The following EML4 variants were observed in gnomAD, a reference collection of about 807,000 sequenced individuals.
EML4 encodes echinoderm microtubule-associated protein-like 4.
In EML4, 72 loss-of-function variants were observed where a neutral mutation model predicts 129.0. The ratio of observed to expected loss-of-function variants is 0.56; its 90% CI spans 0.46 to 0.68. EML4 has a LOEUF of 0.68. Ranked by LOEUF, EML4 falls within the 30% of genes least tolerant of loss-of-function variation. The pLI is 0.00. For missense variants in EML4, 1,363 were observed against 1,190.6 expected, an observed-to-expected ratio of 1.14 and a Z score of -2.13; for synonymous variants, 532 against 405.0, an observed-to-expected ratio of 1.31 and a Z score of -3.77.
At chr2:42,235,436 C>G (rs962824295) in intron 1 of EML4, among the ~76,000 whole-genome samples, 6 of 152,176 alleles carry the variant, frequency 3.9e-5, no homozygotes, top group African/African-American at 1.4e-4. Flanking sequence ...GTACTCCAGC[C>G]TGGGCAACAG....
intron 1 of EML4, among the ~76,000 whole-genome samples, chr2:42,192,006 G>A (rs1389133360): frequency 6.6e-6 from 1 of 151,874 alleles, no homozygotes; most frequent in Admixed American, 6.6e-5. Context: ...AGGCATGGTG[G>A]CACATGCCTG....
chr2:42,324,484 C>A (rs773415336), intron 19 of EML4, among the ~76,000 whole-genome samples: 1 of 152,020 alleles, frequency 6.6e-6, no homozygotes, highest in Non-Finnish European at 1.5e-5. Context: ...GGAGTGATGG[C>A]ATGTGCCTGT....
At chr2:42,195,474 C>T (rs941951082) in intron 1 of EML4, among the ~76,000 whole-genome samples, 4 of 151,752 alleles carry the variant, frequency 2.6e-5, no homozygotes, top group African/African-American at 9.7e-5. Flanking sequence ...GTAGATCTGA[C>T]ACTGTGAAAT....
intron 1 of EML4, among the ~76,000 whole-genome samples, chr2:42,198,514 T>TA (rs977693573): frequency 2.0e-5 from 3 of 152,088 alleles, no homozygotes; most frequent in Admixed American, 6.6e-5. Context: ...AGCCTGGTCT[T>TA]ATGGGCAACA....
At chr2:42,314,476 G>T (rs961039621) in intron 17 of EML4, among the ~76,000 whole-genome samples, 6 of 152,152 alleles carry the variant, frequency 3.9e-5, no homozygotes, top group African/African-American at 1.4e-4. Flanking sequence ...ATCTACTCAG[G>T]TAAGAGAAAC....
chr2:42,196,400 T>A (rs1671898068), intron 1 of EML4, among the ~76,000 whole-genome samples: 2 of 152,208 alleles, frequency 1.3e-5, no homozygotes, highest in Non-Finnish European at 2.9e-5. Flanking sequence ...GTCTCCAGGT[T>A]CTAAGAGATA....
intron 11 of EML4, 45 bp from the exon 12 acceptor site, chr2:42,295,080 G>A: frequency 1.3e-6 from 2 of 1,521,002 alleles, no homozygotes; most frequent in Middle Eastern, 1.8e-4. Context: ...ACTTGAAGGA[G>A]ATAAGGATAT....
chr2:42,316,605 A>T (rs143624485), intron 18 of EML4, among the ~76,000 whole-genome samples: 1 of 152,308 alleles, frequency 6.6e-6, no homozygotes, highest in Admixed American at 6.5e-5. Flanking sequence ...CACAATATTA[A>T]GTTTCTGTGA....
chr2:42,222,855 A>G (rs190310389), intron 1 of EML4, among the ~76,000 whole-genome samples: 133 of 151,948 alleles, frequency 8.8e-4, no homozygotes, highest in Middle Eastern at 3.4e-3. Context: ...CTGGAGTGCA[A>G]TGGTGCAATC....
chr2:42,268,413 G>A (rs555023906), intron 6 of EML4, among the ~76,000 whole-genome samples: 4 of 152,154 alleles, frequency 2.6e-5, no homozygotes, highest in Non-Finnish European at 4.4e-5. Context: ...GAAACCAAGG[G>A]ACCAACTATT....
chr2:42,205,056 A>C (rs781531053), intron 1 of EML4, among the ~76,000 whole-genome samples: 3 of 152,148 alleles, frequency 2.0e-5, no homozygotes, highest in Non-Finnish European at 4.4e-5. Flanking sequence ...CTTTGATTCG[A>C]GGTCTTTTTG....
At chr2:42,291,100 G>A (rs1285492709) in intron 11 of EML4, among the ~76,000 whole-genome samples, 1 of 152,206 alleles carries the variant, frequency 6.6e-6, no homozygotes, top group Non-Finnish European at 1.5e-5. Flanking sequence ...CAAATCAGTT[G>A]CTTGACTTAT....
intron 1 of EML4, among the ~76,000 whole-genome samples, chr2:42,211,420 A>G (rs1461500532): frequency 6.6e-6 from 1 of 152,176 alleles, no homozygotes; most frequent in Non-Finnish European, 1.5e-5. Flanking sequence ...CTGATCAGAG[A>G]CTGATTGAAC....
chr2:42,183,071 C>T (rs1302945177), intron 1 of EML4, among the ~76,000 whole-genome samples: 12 of 152,160 alleles, frequency 7.9e-5, no homozygotes, highest in Admixed American at 7.9e-4. Flanking sequence ...GGGGAGATTG[C>T]TTGAGCCTGG....
At chr2:42,196,264 C>T (rs2103932603) in intron 1 of EML4, among the ~76,000 whole-genome samples, 1 of 152,280 alleles carries the variant, frequency 6.6e-6, no homozygotes, top group South Asian at 2.1e-4. Flanking sequence ...ATTTACCTTG[C>T]AAGATCAGAT....
At chr2:42,219,674 T>A (rs1419288007) in intron 1 of EML4, among the ~76,000 whole-genome samples, 2 of 152,128 alleles carry the variant, frequency 1.3e-5, no homozygotes, top group African/African-American at 4.8e-5. Flanking sequence ...TCCCAGGATT[T>A]TGGGAGGCCG....
chr2:42,307,701 T>C (rs754710906), intron 17 of EML4, among the ~76,000 whole-genome samples: 1 of 152,236 alleles, frequency 6.6e-6, no homozygotes, highest in Admixed American at 6.5e-5. Flanking sequence ...TTGCCCAGGC[T>C]GGAGTGCAAT....
chr2:42,300,710 G>A (rs530244448), intron 13 of EML4, among the ~76,000 whole-genome samples: 70 of 152,272 alleles, frequency 4.6e-4, no homozygotes, highest in African/African-American at 1.6e-3. Flanking sequence ...GTTGTAAAAC[G>A]TTAAACGTTG....
chr2:42,245,711 A>G (rs775664771), intron 2 of EML4, 24 bp downstream of exon 2: 2 of 1,550,592 alleles, frequency 1.3e-6, no homozygotes, highest in African/African-American at 2.8e-5. Flanking sequence ...AAAGTTAAAA[A>G]GAGTCTTGCT....
Sources: allele counts gnomAD v4.1 joint callset (sites outside exome capture counted in the v4.1 genomes callset), GRCh38; gene constraint gnomAD v4.1.1; transcripts MANE v1.5; gene names NCBI Gene and HGNC (gene_info 2026-07-23, HGNC 2026-07-21).